The following TENM3 variants were observed in gnomAD, a reference collection of about 807,000 sequenced individuals.
TENM3 encodes the protein teneurin transmembrane protein 3.
A neutral mutation model predicts 255.1 loss-of-function variants in TENM3; 63 were observed. That is an observed-to-expected ratio of 0.25 (90% CI 0.20 to 0.30). TENM3 has a LOEUF of 0.30. TENM3 is among the 10% of genes least tolerant of loss of function. TENM3 has a pLI of 1.00. For synonymous variants in TENM3, 1,306 were observed against 1,322.3 expected (o/e 0.99, Z 0.27); for missense variants, 2,929 against 3,461.1 (o/e 0.85, Z 3.86).
At chr4:181,643,094 G>A in the TENM3 span, among the ~76,000 whole-genome samples, 2 of 152,128 alleles carry the variant, frequency 1.3e-5, no homozygotes, top group South Asian at 4.1e-4. Flanking sequence ...ATTACTTTGG[G>A]CAGTATGGCC....
the TENM3 span, among the ~76,000 whole-genome samples, chr4:181,459,835 T>C: frequency 6.6e-6 from 1 of 151,964 alleles, no homozygotes; most frequent in African/African-American, 2.4e-5. Context: ...TAGAATCTTC[T>C]TTTTAACCTC....
At chr4:181,923,162 G>T in the TENM3 span, among the ~76,000 whole-genome samples, 5 of 152,204 alleles carry the variant, frequency 3.3e-5, no homozygotes, top group African/African-American at 1.2e-4. Context: ...CAAGTATGTG[G>T]TCGATTTTGG....
Position 182,305,052 on chromosome 4 carries a change from C to G in TENM3, c.-75-18894C>G, listed in dbSNP as rs535650495. 5.2e-4 allele frequency among the ~76,000 whole-genome samples: 79 copies of G among 151,854 alleles called. 1 individual carries two copies. Among genetic ancestry groups the G allele is most frequent in the Non-Finnish European group, 1.9e-4 (13 of 67,996 alleles). On this transcript the variant is annotated intron_variant, in intron 1 of 27. Coordinates refer to ENST00000511685, the MANE Select transcript of TENM3 (RefSeq NM_001080477.4). ...ACAGGTGGATGGTAAGGTCTAATTT[C>G]CAGAAAGCTGAGCTTTGCTGCTTGT...
At position 182,432,849 on chromosome 4, in the gene TENM3, G is replaced by GTGTGT. The variant is rs1554066038; in HGVS notation, c.511+85920_511+85921insTGTGT. On this transcript the variant is annotated intron_variant, in intron 3 of 27. Transcript: ENST00000511685. ...AATTTTTCATCAGGGAATGGATTTG[G>GTGTGT]GTGTGTGTGTGTGTGTTTTAGTAGA... 2.8e-5 allele frequency among the ~76,000 whole-genome samples: 4 copies of GTGTGT among 143,080 alleles called. No homozygotes were observed. The South Asian group carries it at 7.4e-4, about 26-fold the overall frequency. The allele number at this position is 143,080 out of a possible 152,430, so 93.9% of individuals were successfully genotyped here. A position where few individuals can be genotyped will look rare whatever the true frequency, so the allele number is the denominator to read the frequency against.
At chr4:182,690,603 G>A (rs1265266342) in intron 12 of TENM3, among the ~76,000 whole-genome samples, 1 of 152,172 alleles carries the variant, frequency 6.6e-6, no homozygotes, top group Non-Finnish European at 1.5e-5. Context: ...ATCTTAGGAA[G>A]TACAACAAAC....
intron 6 of TENM3, among the ~76,000 whole-genome samples, chr4:182,663,907 A>T (rs1050154511): frequency 9.2e-5 from 14 of 152,192 alleles, no homozygotes; most frequent in African/African-American, 3.4e-4. Context: ...TCTGTGTAGG[A>T]TGCCAAAAAA....
At chr4:182,402,490 T>C (rs1305560659) in intron 3 of TENM3, among the ~76,000 whole-genome samples, 2 of 152,164 alleles carry the variant, frequency 1.3e-5, no homozygotes, top group Non-Finnish European at 2.9e-5. Flanking sequence ...TGGGCCAACG[T>C]AGACGTAGCC....
chr4:182,737,218 G>A (rs1761237057), intron 17 of TENM3, 143 bp downstream of exon 17: 2 of 871,534 alleles, frequency 2.3e-6, no homozygotes, highest in South Asian at 3.5e-5. Context: ...ACCTTGGCTG[G>A]TTTAGATCTA....
intron 3 of TENM3, among the ~76,000 whole-genome samples, chr4:182,363,824 T>C (rs1325534672): frequency 1.3e-5 from 2 of 152,050 alleles, no homozygotes; most frequent in East Asian, 1.9e-4. Context: ...CCCTTCCAAC[T>C]GGTTAATATA....
intron 3 of TENM3, among the ~76,000 whole-genome samples, chr4:182,386,569 G>A (rs1169281939): frequency 2.6e-5 from 4 of 152,186 alleles, no homozygotes; most frequent in South Asian, 2.1e-4. Flanking sequence ...AGGGAGAGGC[G>A]CGAGCAGGAA....
intron 3 of TENM3, among the ~76,000 whole-genome samples, chr4:182,590,833 G>A (rs1746562474): frequency 6.7e-6 from 1 of 149,994 alleles, no homozygotes; most frequent in South Asian, 2.1e-4. Context: ...TGGAGACAGA[G>A]CGAGACTCCG....
At chr4:181,712,746 T>C in the TENM3 span, among the ~76,000 whole-genome samples, 3 of 152,326 alleles carry the variant, frequency 2.0e-5, no homozygotes, top group Admixed American at 2.0e-4. Context: ...CTTATCTTTC[T>C]CATAGCAATA....
chr4:182,279,709 A>T (rs573464184), intron 1 of TENM3, among the ~76,000 whole-genome samples: 1 of 152,206 alleles, frequency 6.6e-6, no homozygotes, highest in South Asian at 2.1e-4. Context: ...TCTGTCGTTC[A>T]TGGAGTATGC....
chr4:181,934,656 GAGAA>G, the TENM3 span, among the ~76,000 whole-genome samples: 26 of 152,246 alleles, frequency 1.7e-4, no homozygotes, highest in African/African-American at 6.0e-4. Flanking sequence ...TATAATTTAT[GAGAA>G]AGAGGTCATA....
the TENM3 span, among the ~76,000 whole-genome samples, chr4:181,951,073 TAAAG>T: frequency 1.4e-4 from 21 of 147,686 alleles, no homozygotes; most frequent in African/African-American, 5.6e-4. Context: ...AACAAACAAA[TAAAG>T]AAGATACAGC....
Position 182,576,785 on chromosome 4 carries a change from C to G in TENM3, c.512-24139C>G, listed in dbSNP as rs566042473. On this transcript the variant is annotated intron_variant, in intron 3 of 27. Transcript: ENST00000511685. The stretch of plus-strand genomic sequence containing the variant: ...ACCAAAGGCAACACACACCCACATA[C>G]ACACAGCCTCCACACTGCTGTTAGG... Among the ~76,000 whole-genome samples the G allele has an allele frequency of 5.3e-5, 8 of 152,314 alleles. 1 individual carries two copies. The South Asian group carries it at 1.7e-3, about 32-fold the overall frequency.
At chr4:182,089,346 G>C in the TENM3 span, among the ~76,000 whole-genome samples, 1 of 152,126 alleles carries the variant, frequency 6.6e-6, no homozygotes, top group East Asian at 1.9e-4. Context: ...TGGACCAGGA[G>C]GTACAGTCAC....
At chr4:181,771,484 C>T in the TENM3 span, among the ~76,000 whole-genome samples, 43 of 152,234 alleles carry the variant, frequency 2.8e-4, 1 homozygote, top group Admixed American at 1.6e-3. Context: ...GGCCTCCAAG[C>T]GAGATTCACT....
At chr4:181,737,297 T>G in the TENM3 span, among the ~76,000 whole-genome samples, 1 of 152,310 alleles carries the variant, frequency 6.6e-6, no homozygotes, top group African/African-American at 2.4e-5. Flanking sequence ...AGGAAAATGC[T>G]TACTTTTACC....
Sources: allele counts gnomAD v4.1 joint callset (sites outside exome capture counted in the v4.1 genomes callset), GRCh38; gene constraint gnomAD v4.1.1; transcripts MANE v1.5; gene names NCBI Gene and HGNC (gene_info 2026-07-23, HGNC 2026-07-21).